Variants in SH3D19 observed in about 807,000 individuals in gnomAD.
SH3D19 encodes SH3 domain containing 19.
A neutral mutation model predicts 112.1 loss-of-function variants in SH3D19; 58 were observed. The ratio of observed to expected loss-of-function variants is 0.52; its 90% CI spans 0.42 to 0.64. The LOEUF (loss-of-function observed/expected upper bound fraction) is 0.64, where lower values mean the gene tolerates loss of function less well. Ranked by LOEUF, SH3D19 falls within the 30% of genes least tolerant of loss-of-function variation. The pLI is 0.00. For synonymous variants in SH3D19, 391 were observed against 448.5 expected (o/e 0.87, Z 1.62); for missense variants, 1,090 against 1,263.4 (o/e 0.86, Z 2.08).
At chr4:151,122,936 C>G (rs537317336) in intron 19 of SH3D19, among the ~76,000 whole-genome samples, 2 of 149,964 alleles carry the variant, frequency 1.3e-5, no homozygotes, top group Non-Finnish European at 3.0e-5. Flanking sequence ...ACTGCAACCT[C>G]TGCCTCCCGG....
At chr4:151,144,131 C>G (rs1471682345) in intron 11 of SH3D19, 81 bp from the exon 12 acceptor site, 2 of 1,587,430 alleles carry the variant, frequency 1.3e-6, no homozygotes, top group East Asian at 4.5e-5. Context: ...ATCTTTGGAG[C>G]CTAAAGCATT....
chr4:151,205,096 C>G (rs1225295819), intron 2 of SH3D19, among the ~76,000 whole-genome samples: 3 of 152,136 alleles, frequency 2.0e-5, no homozygotes, highest in Non-Finnish European at 4.4e-5. Context: ...ACTGGGATTA[C>G]AGGCATGAGC....
intron 1 of SH3D19, among the ~76,000 whole-genome samples, chr4:151,310,420 T>C (rs1246515683): frequency 6.6e-6 from 1 of 151,830 alleles, no homozygotes; most frequent in Admixed American, 6.6e-5. Flanking sequence ...GGCAAGGATG[T>C]GAAGAAAAGG....
At chr4:151,315,240 G>A (rs1729877581) in intron 1 of SH3D19, among the ~76,000 whole-genome samples, 1 of 152,096 alleles carries the variant, frequency 6.6e-6, no homozygotes, top group South Asian at 2.1e-4. Flanking sequence ...CATAGGATTG[G>A]TACCAGGACT....
intron 1 of SH3D19, among the ~76,000 whole-genome samples, chr4:151,299,672 C>T (rs1728156731): frequency 6.6e-6 from 1 of 151,170 alleles, no homozygotes; most frequent in African/African-American, 2.4e-5. Context: ...CTTATGAGTT[C>T]AATGAAGTTA....
intron 1 of SH3D19, among the ~76,000 whole-genome samples, chr4:151,317,811 T>A (rs903021178): frequency 6.6e-6 from 1 of 151,762 alleles, no homozygotes; most frequent in Non-Finnish European, 1.5e-5. Context: ...CTGTCTCTAC[T>A]AACAATACAA....
chr4:151,282,370 C>T (rs1253887658), intron 1 of SH3D19: 2 of 1,613,908 alleles, frequency 1.2e-6, no homozygotes, highest in South Asian at 1.1e-5. Flanking sequence ...CAATTCCACC[C>T]TTTTGTTGGG....
chr4:151,185,432 A>G (rs775137454), intron 3 of SH3D19, among the ~76,000 whole-genome samples: 5 of 152,136 alleles, frequency 3.3e-5, no homozygotes, highest in African/African-American at 7.2e-5. Flanking sequence ...TGCTTATAAC[A>G]GTGATTACTC....
intron 2 of SH3D19, among the ~76,000 whole-genome samples, chr4:151,199,755 G>A (rs984263581): frequency 6.6e-5 from 10 of 152,062 alleles, no homozygotes; most frequent in African/African-American, 1.4e-4. Flanking sequence ...AAATGACACC[G>A]GAATCCATGT....
At position 151,133,237 on chromosome 4, in the gene SH3D19, C is replaced by T; in HGVS notation, c.2487-1G>A. 1 of 1,613,880 alleles carries T rather than the reference C, an allele frequency of 6.2e-7. No homozygotes were observed. Among genetic ancestry groups the T allele is most frequent in the Non-Finnish European group, 8.5e-7 (1 of 1,179,858 alleles). On this transcript the variant is annotated splice_acceptor_variant, in intron 15 of 19. Transcript: ENST00000604030. LOFTEE classifies it high-confidence loss of function. The stretch of plus-strand genomic sequence containing the variant: ...AAACCGAGCAACACATCTTGAGCCT[C>T]TGAATGAAGAACACATTTTGTGGAT...
At position 151,143,978 on chromosome 4, in the gene SH3D19, C is replaced by G. The variant is rs775428050; in HGVS notation, c.2155G>C (p.Gly719Arg). The G allele has an allele frequency of 6.2e-7, 1 of 1,614,134 alleles. No individual in the cohort carries two copies. Among genetic ancestry groups the G allele is most frequent in the Non-Finnish European group, 8.5e-7 (1 of 1,180,006 alleles). ...YLECQKGEDTGRVHLSQMKII... is the reference protein window; with the variant it reads ...YLECQKGEDTRRVHLSQMKII... Reference sequence around the variant, plus strand: ...TTCATTTGAGACAGGTGAACTCTGCCAGTGTCTTCTCCCTTTTGGCACTCC... The same window carrying G: ...TTCATTTGAGACAGGTGAACTCTGCGAGTGTCTTCTCCCTTTTGGCACTCC... Residue 719 changes from glycine (G) to arginine (R), a missense_variant, in exon 12 of 20, where the codon GGC (glycine) becomes CGC (arginine). By Grantham distance (125) the Gly-to-Arg change is moderately radical. Coordinates refer to ENST00000604030, the MANE Select transcript of SH3D19 (RefSeq NM_001378122.1).
intron 8 of SH3D19, among the ~76,000 whole-genome samples, chr4:151,163,021 TC>T (rs1319187451): frequency 6.6e-6 from 1 of 152,184 alleles, no homozygotes; most frequent in Non-Finnish European, 1.5e-5. Context: ...TGCCAAAATT[TC>T]TAGGAGTGCC....
At chr4:151,256,430 C>A (rs1291056490) in intron 1 of SH3D19, among the ~76,000 whole-genome samples, 1 of 152,152 alleles carries the variant, frequency 6.6e-6, no homozygotes, top group Non-Finnish European at 1.5e-5. Context: ...ACTTTTGTTT[C>A]AAGTTACATA....
intron 8 of SH3D19, among the ~76,000 whole-genome samples, chr4:151,161,508 CT>C (rs948292915): frequency 7.9e-5 from 12 of 151,964 alleles, no homozygotes; most frequent in African/African-American, 2.9e-4. Context: ...ATTCAACTTA[CT>C]TTTTTTCTTT....
At chr4:151,234,608 G>A (rs1197446801) in intron 1 of SH3D19, among the ~76,000 whole-genome samples, 1 of 151,934 alleles carries the variant, frequency 6.6e-6, no homozygotes, top group Non-Finnish European at 1.5e-5. Flanking sequence ...TTTTCAGCAA[G>A]CAAAATTTGT....
chr4:151,320,177 A>C (rs1190438784), intron 1 of SH3D19, among the ~76,000 whole-genome samples: 1 of 152,256 alleles, frequency 6.6e-6, no homozygotes, highest in Admixed American at 6.5e-5. Context: ...CAGTTATATC[A>C]GTCCTTCCAG....
intron 1 of SH3D19, chr4:151,300,544 A>C (rs1728295829): frequency 6.6e-6 from 1 of 152,186 alleles, no homozygotes; most frequent in South Asian, 2.1e-4. Context: ...CACGTATACT[A>C]AAATTGGAAA....
intron 1 of SH3D19, among the ~76,000 whole-genome samples, chr4:151,266,882 T>C (rs1421789279): frequency 6.6e-6 from 1 of 152,132 alleles, no homozygotes; most frequent in Admixed American, 6.6e-5. Context: ...TCTTAACAAC[T>C]CAAGAAGGTA....
chr4:151,150,907 T>TCGAAGC (rs1307024379), intron 9 of SH3D19, among the ~76,000 whole-genome samples: 4 of 151,220 alleles, frequency 2.6e-5, no homozygotes, highest in Non-Finnish European at 5.9e-5. Flanking sequence ...CCAAAGGATC[T>TCGAAGC]CAAAGCCAAA....
Sources: allele counts gnomAD v4.1 joint callset (sites outside exome capture counted in the v4.1 genomes callset), GRCh38; gene constraint gnomAD v4.1.1; transcripts MANE v1.5; gene names NCBI Gene and HGNC (gene_info 2026-07-23, HGNC 2026-07-21).